Variants in DLG2 observed in about 807,000 individuals in gnomAD.
The protein encoded by DLG2 is discs large MAGUK scaffold protein 2.
Under a neutral mutation model 132.5 loss-of-function variants are expected in DLG2, and 45 were observed. That is an observed-to-expected ratio of 0.34 (90% CI 0.27 to 0.44). The LOEUF (loss-of-function observed/expected upper bound fraction) is 0.44. Among genes scored for constraint, DLG2 ranks in the 20% least tolerant of loss-of-function variants. DLG2 has a pLI of 1.00. For synonymous variants in DLG2, 424 were observed against 419.6 expected (o/e 1.01, Z -0.13); for missense variants, 1,045 against 1,196.9 (o/e 0.87, Z 1.87).
At chr11:84,230,621 T>C (rs1453140320) in intron 8 of DLG2, among the ~76,000 whole-genome samples, 1 of 152,108 alleles carries the variant, frequency 6.6e-6, no homozygotes, top group Non-Finnish European at 1.5e-5. Flanking sequence ...AGGGGAAAGA[T>C]ATGTGAGCAC....
intron 7 of DLG2, among the ~76,000 whole-genome samples, chr11:84,496,045 G>A (rs1440416737): frequency 2.6e-5 from 4 of 152,106 alleles, no homozygotes; most frequent in Admixed American, 6.6e-5. Context: ...AGTACCACCA[G>A]GCATCTAAGC....
At chr11:84,690,462 A>C (rs997968251) in intron 6 of DLG2, among the ~76,000 whole-genome samples, 4 of 151,840 alleles carry the variant, frequency 2.6e-5, no homozygotes, top group Admixed American at 1.3e-4. Flanking sequence ...GGAAAAAAAA[A>C]AGAAAAAGAA....
At chr11:85,374,541 G>A (rs992807084) in intron 3 of DLG2, among the ~76,000 whole-genome samples, 9 of 152,128 alleles carry the variant, frequency 5.9e-5, no homozygotes, top group African/African-American at 2.2e-4. Context: ...GTTTCACCAT[G>A]TTGGCCATGG....
chr11:85,113,749 T>C (rs2073134910), intron 5 of DLG2, among the ~76,000 whole-genome samples: 1 of 152,008 alleles, frequency 6.6e-6, no homozygotes, highest in African/African-American at 2.4e-5. Flanking sequence ...GTTTCTTGGA[T>C]CCATCATTCA....
At chr11:84,358,363 A>ATTTTTTTTTTTTT (rs770602681) in intron 7 of DLG2, among the ~76,000 whole-genome samples, 2 of 121,478 alleles carry the variant, frequency 1.6e-5, no homozygotes, top group Non-Finnish European at 3.5e-5. Flanking sequence ...AAGTCCCAGT[A>ATTTTTTTTTTTTT]TTTTTTTTTT....
chr11:84,012,258 A>C (rs544288241), intron 11 of DLG2, among the ~76,000 whole-genome samples: 1 of 152,260 alleles, frequency 6.6e-6, no homozygotes, highest in East Asian at 1.9e-4. Flanking sequence ...AGGCTTTTGC[A>C]AGTGTCCTTA....
chr11:85,468,823 T>A (rs116064338), intron 3 of DLG2, among the ~76,000 whole-genome samples: 3,436 of 152,100 alleles, frequency 0.023, 123 homozygotes, highest in African/African-American at 0.077. Context: ...AGATGTCTAA[T>A]TTTTTTTAAA....
At chr11:84,689,441 T>C (rs2057755746) in intron 6 of DLG2, among the ~76,000 whole-genome samples, 1 of 152,068 alleles carries the variant, frequency 6.6e-6, no homozygotes, top group African/African-American at 2.4e-5. Flanking sequence ...CTCAATAGAA[T>C]ATTTAACTTT....
intron 18 of DLG2, among the ~76,000 whole-genome samples, chr11:83,747,584 A>G (rs1165582701): frequency 6.6e-6 from 1 of 152,056 alleles, no homozygotes; most frequent in Admixed American, 6.6e-5. Context: ...TGCTGGGCTC[A>G]AGCTATCCAC....
At chr11:84,235,024 T>A (rs765276337) in intron 8 of DLG2, among the ~76,000 whole-genome samples, 13 of 152,192 alleles carry the variant, frequency 8.5e-5, no homozygotes, top group Non-Finnish European at 1.6e-4. Flanking sequence ...AAGCTTCACC[T>A]GCCTAATAAG....
intron 9 of DLG2, among the ~76,000 whole-genome samples, chr11:84,152,537 C>A (rs1366114366): frequency 1.3e-5 from 2 of 151,994 alleles, no homozygotes; most frequent in East Asian, 3.9e-4. Context: ...CAGGCGCCCA[C>A]CACCATGCCC....
intron 10 of DLG2, among the ~76,000 whole-genome samples, chr11:84,064,283 G>A (rs10898199): frequency 0.81 from 123,227 of 152,142 alleles, 50,735 homozygotes; most frequent in Middle Eastern, 0.92. Flanking sequence ...GAGAAAGATA[G>A]CGAAGTTTTA....
At chr11:84,701,174 T>A (rs2059185278) in intron 6 of DLG2, among the ~76,000 whole-genome samples, 1 of 151,530 alleles carries the variant, frequency 6.6e-6, no homozygotes, top group South Asian at 2.1e-4. Flanking sequence ...CCAAGCCATT[T>A]CTCTTACTTC....
intron 7 of DLG2, among the ~76,000 whole-genome samples, chr11:84,334,576 G>T (rs1310369641): frequency 6.6e-6 from 1 of 152,116 alleles, no homozygotes; most frequent in Non-Finnish European, 1.5e-5. Flanking sequence ...ATAAAGCTAA[G>T]AACTAAATAT....
At chr11:83,963,784 G>GA (rs957205260) in intron 13 of DLG2, among the ~76,000 whole-genome samples, 23 of 151,876 alleles carry the variant, frequency 1.5e-4, no homozygotes, top group Non-Finnish European at 2.5e-4. Flanking sequence ...TGTGCTTCCT[G>GA]ACATCTGTAC....
intron 11 of DLG2, among the ~76,000 whole-genome samples, chr11:84,048,562 T>C (rs898491080): frequency 6.6e-6 from 1 of 151,696 alleles, no homozygotes; most frequent in African/African-American, 2.4e-5. Flanking sequence ...CTGTTTCCTG[T>C]ATTCAGAGAC....
At chr11:84,445,606 T>C (rs938152165) in intron 7 of DLG2, among the ~76,000 whole-genome samples, 2 of 152,162 alleles carry the variant, frequency 1.3e-5, no homozygotes, top group African/African-American at 4.8e-5. Context: ...TTCTTTAATC[T>C]GATTATTTAT....
At chr11:84,929,643 C>T (rs2047867646) in intron 6 of DLG2, among the ~76,000 whole-genome samples, 1 of 152,060 alleles carries the variant, frequency 6.6e-6, no homozygotes, top group Non-Finnish European at 1.5e-5. Flanking sequence ...ACATTCTTCC[C>T]TTATATCAGA....
At chr11:83,539,635 CTATACATTATATGTATATAA>C in intron 20 of DLG2, among the ~76,000 whole-genome samples, 1 of 151,180 alleles carries the variant, frequency 6.6e-6, no homozygotes, top group East Asian at 1.9e-4. Flanking sequence ...GTATTTACAG[CTATACATTATATGTATATAA>C]TATATATTAT....
Sources: allele counts gnomAD v4.1 joint callset (sites outside exome capture counted in the v4.1 genomes callset), GRCh38; gene constraint gnomAD v4.1.1; transcripts MANE v1.5; gene names NCBI Gene and HGNC (gene_info 2026-07-23, HGNC 2026-07-21).